The following CALML4 variants were observed in gnomAD, a reference collection of about 807,000 sequenced individuals.
The protein encoded by CALML4 is calmodulin like 4.
In CALML4, 16 loss-of-function variants were observed where a neutral mutation model predicts 17.9. The observed-to-expected ratio is 0.89, with a 90% CI of 0.61 to 1.36. The LOEUF (loss-of-function observed/expected upper bound fraction) is 1.36. Ranked by LOEUF, CALML4 falls within the 40% of genes most tolerant of loss-of-function variation. The pLI, the probability that CALML4 is intolerant of heterozygous loss-of-function variation, is 0.00. For synonymous variants in CALML4, 86 were observed against 71.5 expected (o/e 1.20, Z -1.02); for missense variants, 203 against 194.8 (o/e 1.04, Z -0.25).
chr15:68,201,541 C>G (rs2093165652), intron 2 of CALML4, among the ~76,000 whole-genome samples: 1 of 152,200 alleles, frequency 6.6e-6, no homozygotes, highest in Non-Finnish European at 1.5e-5. Flanking sequence ...CCACTGCTCT[C>G]CCTGCCTGAC....
rs150561524 is a variant in CALML4 at position 68,195,345 on chromosome 15, C to CTGA, written c.365-1236_365-1234dup. 4.0e-3 allele frequency among the ~76,000 whole-genome samples: 603 copies of CTGA among 152,316 alleles called. 1 individual carries two copies. Among genetic ancestry groups the CTGA allele is most frequent in the African/African-American group, 0.013 (551 of 41,564 alleles). ...TATAATCACCATGCCTTGGCCTAAG[C>CTGA]TGATAGTAGTTCTGAGTATTTATTG... On this transcript the variant is annotated intron_variant, in intron 4 of 4. Coordinates refer to ENST00000467889, the MANE Select transcript of CALML4 (RefSeq NM_033429.3).
intron 2 of CALML4, 170 bp from the exon 3 acceptor site, chr15:68,199,851 C>A: frequency 1.7e-6 from 1 of 579,720 alleles, no homozygotes; most frequent in South Asian, 3.2e-5. Context: ...TACAGGACTG[C>A]CAAGTTAAAC....
Position 68,199,673 on chromosome 15 carries a change from C to G in CALML4, c.43G>C (p.Glu15Gln). The G allele has an allele frequency of 6.2e-7, 1 of 1,613,228 alleles. No individual in the cohort carries two copies. The highest frequency in any genetic ancestry group is 1.1e-5 in the South Asian group (1 of 91,046). ...TGCTTGTCATACAGGGAGAAGCATT[C>G]CTTGTACTCTGCACACGGCCCAGAG... ...LSQDQINEYK[E>Q]CFSLYDKQQR... The change falls in exon 3 of 5, where the codon GAA becomes CAA. Residue 15 changes from glutamate to glutamine, a missense_variant. Glu to Gln is a conservative substitution (Grantham distance 29). Coordinates refer to ENST00000467889, the MANE Select transcript of CALML4 (RefSeq NM_033429.3).
In CALML4 at chr15:68,205,242, C is replaced by T. The variant is rs763348115; in HGVS notation, c.3+3G>A. The T allele has an allele frequency of 6.2e-7, 1 of 1,614,162 alleles. No homozygotes were observed. Among genetic ancestry groups the T allele is most frequent in the Non-Finnish European group, 8.5e-7 (1 of 1,180,038 alleles). ...CCAGGCCGACACAGACCCTCACACT[C>T]ACCATTCTGGGGCCTCGGCTGCTAC... On this transcript the variant is annotated splice_donor_region_variant and intron_variant, in intron 1 of 4. Transcript: ENST00000467889. The surrounding 1 kb of genome is among the most constrained non-coding windows in gnomAD (Gnocchi z 4.8).
Position 68,204,322 on chromosome 15 carries a change from C to T in CALML4, c.34+799G>A, listed in dbSNP as rs765588408. ...GTCAGCGAAGGACTCACTGAGAAGG[C>T]GATGTTTCAGCAAAGACCTGGAGGA... On this transcript the variant is annotated intron_variant, in intron 2 of 4. Transcript: ENST00000467889. The surrounding 1 kb of genome is among the most constrained non-coding windows in gnomAD (Gnocchi z 6.0). Among the ~76,000 whole-genome samples the T allele has an allele frequency of 4.6e-5, 7 of 152,146 alleles. No homozygotes were observed. The highest frequency in any genetic ancestry group is 8.8e-5 in the Non-Finnish European group (6 of 68,034).
Position 68,197,355 on chromosome 15 carries a change from C to T in CALML4, c.364+85G>A, listed in dbSNP as rs1413020205. On this transcript the variant is annotated intron_variant, in intron 4 of 4. Coordinates refer to ENST00000467889, the MANE Select transcript of CALML4 (RefSeq NM_033429.3). This position sits in a 1 kb window ranked among gnomAD's most constrained non-coding sequence, Gnocchi z 4.1. ...ATCAACAGAGGTGGTCTGTACCACC[C>T]TGGTGGCATCAGCTAGGCTTTGGTG... 5 of 1,371,584 alleles carry T rather than the reference C, an allele frequency of 3.6e-6. No homozygotes were observed. In the African/African-American group the frequency reaches 7.2e-5, roughly 20 times the overall value. The allele number at this position is 1,371,584 out of a possible 1,614,324, so 85.0% of individuals were successfully genotyped here.
In CALML4 at chr15:68,204,826, G is replaced by A. The variant is rs1187624560; in HGVS notation, c.34+295C>T. ...TTAATGGTCTCTCTCTCCATCCCCA[G>A]TCCCCTCAGTCCCCAAATCCAACTG... On this transcript the variant is annotated intron_variant, in intron 2 of 4. Coordinates refer to ENST00000467889, the MANE Select transcript of CALML4 (RefSeq NM_033429.3). The surrounding 1 kb of genome is among the most constrained non-coding windows in gnomAD (Gnocchi z 6.0). Among the ~76,000 whole-genome samples, 2 of 152,018 alleles carry A rather than the reference G, an allele frequency of 1.3e-5. No individual in the cohort carries two copies. The highest frequency in any genetic ancestry group is 2.4e-5 in the African/African-American group (1 of 41,394).
rs1214633188 is a variant in CALML4, at chr15:68,193,137, A to G, written c.*878T>C. ...GGGGAGGTGGCTTAAGGCAATGACCAGTGTGGGCCACTTGAGCAGACCATC... is the reference window on the plus strand; with the variant it reads ...GGGGAGGTGGCTTAAGGCAATGACCGGTGTGGGCCACTTGAGCAGACCATC... On this transcript the variant is annotated 3_prime_UTR_variant, in exon 5 of 5. Coordinates refer to ENST00000467889, the MANE Select transcript of CALML4 (RefSeq NM_033429.3). 1 of 152,300 alleles carries G rather than the reference A, an allele frequency of 6.6e-6. No homozygotes were observed. The highest frequency in any genetic ancestry group is 1.5e-5 in the Non-Finnish European group (1 of 68,102). 9.4% of individuals were successfully genotyped at this position (152,300 alleles called of 1,614,324 possible). A position where few individuals can be genotyped will look rare whatever the true frequency, so the allele number is the denominator to read the frequency against.
At chr15:68,201,798 C>A in intron 2 of CALML4, among the ~76,000 whole-genome samples, 1 of 152,214 alleles carries the variant, frequency 6.6e-6, no homozygotes, top group East Asian at 1.9e-4. Flanking sequence ...TGCATTCCTG[C>A]ACTGGAACAA....
At chr15:68,196,796 G>A (rs1484171331) in intron 4 of CALML4, among the ~76,000 whole-genome samples, 4 of 152,180 alleles carry the variant, frequency 2.6e-5, no homozygotes, top group Non-Finnish European at 5.9e-5. Flanking sequence ...GCAGGAAGGT[G>A]CAAAGCAAAG....
rs1306912723 is a variant in CALML4, at chr15:68,193,924, G to A, written c.*91C>T. 4.8e-6 allele frequency: 4 copies of A among 827,622 alleles called. No homozygotes were observed. The highest frequency in any genetic ancestry group is 2.3e-5 in the Admixed American group (1 of 44,148). The allele number at this position is 827,622 out of a possible 1,614,324, so 51.3% of individuals were successfully genotyped here. ...GTAATGTTGTCTTGCCACTGTGTTTGCCATCTCTCCCAAGTGAAAAGAACA... is the reference window on the plus strand; with the variant it reads ...GTAATGTTGTCTTGCCACTGTGTTTACCATCTCTCCCAAGTGAAAAGAACA... On this transcript the variant is annotated 3_prime_UTR_variant, in exon 5 of 5. Coordinates refer to ENST00000467889, the MANE Select transcript of CALML4 (RefSeq NM_033429.3).
chr15:68,197,698 G>C lies in CALML4; in HGVS notation c.176-70C>G. On this transcript the variant is annotated intron_variant, in intron 3 of 4. Transcript: ENST00000467889. The surrounding 1 kb of genome is among the most constrained non-coding windows in gnomAD (Gnocchi z 4.1). The stretch of plus-strand genomic sequence containing the variant: ...CTCCTAGGAAGCCAGCTGGCCTCCT[G>C]CTGGACCTGCACAGCCGGTTCAAGG... The C allele has an allele frequency of 7.0e-7, 1 of 1,419,460 alleles. No homozygotes were observed. The highest frequency in any genetic ancestry group is 9.8e-7 in the Non-Finnish European group (1 of 1,025,000). The allele number at this position is 1,419,460 out of a possible 1,614,324, so 87.9% of individuals were successfully genotyped here. A position where few individuals can be genotyped will look rare whatever the true frequency, so the allele number is the denominator to read the frequency against.
At chr15:68,196,443 G>A (rs560146438) in intron 4 of CALML4, among the ~76,000 whole-genome samples, 10 of 152,286 alleles carry the variant, frequency 6.6e-5, no homozygotes, top group Admixed American at 5.9e-4. Flanking sequence ...CTCCTCCAGT[G>A]GTTTATTGTG....
rs548525063 is a variant in CALML4 at position 68,191,192 on chromosome 15, G to A, written c.*2823C>T. 1 of 152,632 alleles carries A rather than the reference G, an allele frequency of 6.6e-6. No individual in the cohort carries two copies. The highest frequency in any genetic ancestry group is 2.4e-5 in the African/African-American group (1 of 41,520). 9.5% of individuals were successfully genotyped at this position (152,632 alleles called of 1,614,324 possible). A position where few individuals can be genotyped will look rare whatever the true frequency, so the allele number is the denominator to read the frequency against. On this transcript the variant is annotated 3_prime_UTR_variant, in exon 5 of 5. Coordinates refer to ENST00000467889, the MANE Select transcript of CALML4 (RefSeq NM_033429.3). ...TGCTGCTGTTAATTGTTTAACAAAGGGGAAAATGTACATAAACAGATAAAG... is the reference window on the plus strand; with the variant it reads ...TGCTGCTGTTAATTGTTTAACAAAGAGGAAAATGTACATAAACAGATAAAG...
rs1271746883 is a variant in CALML4, at chr15:68,200,336, T to C, written c.35-655A>G. Reference sequence around the variant, plus strand: ...AGGCTGCTAAACCCTCAAGCTGTCCTTGGACTCGGGCCCTGGTCCTGTTCT... The same window carrying C: ...AGGCTGCTAAACCCTCAAGCTGTCCCTGGACTCGGGCCCTGGTCCTGTTCT... On this transcript the variant is annotated intron_variant, in intron 2 of 4. Transcript: ENST00000467889. This position sits in a 1 kb window ranked among gnomAD's most constrained non-coding sequence, Gnocchi z 4.3. Among the ~76,000 whole-genome samples the C allele has an allele frequency of 6.6e-6, 1 of 152,222 alleles. No homozygotes were observed. Among genetic ancestry groups the C allele is most frequent in the African/African-American group, 2.4e-5 (1 of 41,460 alleles).
rs767736434 is a variant in CALML4, at chr15:68,193,990, G to T, written c.*25C>A. On this transcript the variant is annotated 3_prime_UTR_variant, in exon 5 of 5. Coordinates refer to ENST00000467889, the MANE Select transcript of CALML4 (RefSeq NM_033429.3). ...TAATTGCTCCAAGTTTTCAGGCCCA[G>T]GGGAGGCTCTCCCATTCTCCTCCTT... 1.0e-5 allele frequency: 16 copies of T among 1,535,816 alleles called. No homozygotes were observed. The highest frequency in any genetic ancestry group is 2.7e-6 in the Non-Finnish European group (3 of 1,111,142).
chr15:68,202,105 C>T (rs930705665), intron 2 of CALML4, among the ~76,000 whole-genome samples: 1 of 152,198 alleles, frequency 6.6e-6, no homozygotes, highest in Non-Finnish European at 1.5e-5. Context: ...GATTAAAAAT[C>T]CCCTTTAAGT....
intron 2 of CALML4, among the ~76,000 whole-genome samples, chr15:68,203,914 G>C (rs968831965): frequency 6.6e-6 from 1 of 152,128 alleles, no homozygotes; most frequent in Non-Finnish European, 1.5e-5. Context: ...TCCCTTCTGG[G>C]AGCTTTGGCT....
At position 68,200,754 on chromosome 15, in the gene CALML4, C is replaced by A. The variant is rs752949464; in HGVS notation, c.35-1073G>T. Among the ~76,000 whole-genome samples, 1 of 152,176 alleles carries A rather than the reference C, an allele frequency of 6.6e-6. No individual in the cohort carries two copies. Among genetic ancestry groups the A allele is most frequent in the Non-Finnish European group, 1.5e-5 (1 of 68,020 alleles). On this transcript the variant is annotated intron_variant, in intron 2 of 4. Transcript: ENST00000467889. The surrounding 1 kb of genome is among the most constrained non-coding windows in gnomAD (Gnocchi z 4.3). ...GCTTCTCACACCACCCAGGTAGGTC[C>A]TTAGAGGCCTGGACAATAATAGCCC...
Sources: gnomAD v4.1 joint callset for allele counts (sites outside exome capture counted in the v4.1 genomes callset) on GRCh38, gnomAD v4.1.1 for gene constraint, Gnocchi (gnomAD v3.1) non-coding constraint, MANE v1.5 for transcripts, NCBI Gene and HGNC (gene_info 2026-07-23, HGNC 2026-07-21) for gene names.